The following DLG2 variants were observed in gnomAD, a reference collection of about 807,000 sequenced individuals.
DLG2 encodes disks large homolog 2.
Under a neutral mutation model 132.5 loss-of-function variants are expected in DLG2, and 45 were observed. The observed-to-expected ratio is 0.34, with a 90% CI of 0.27 to 0.44. DLG2 has a LOEUF of 0.44. Among genes scored for constraint, DLG2 ranks in the 20% least tolerant of loss-of-function variants. DLG2 has a pLI of 1.00. For missense variants in DLG2, 1,045 were observed against 1,196.9 expected, an observed-to-expected ratio of 0.87 and a Z score of 1.87; for synonymous variants, 424 against 419.6, an observed-to-expected ratio of 1.01 and a Z score of -0.13.
chr11:85,362,445 T>C (rs2152902529), intron 3 of DLG2, among the ~76,000 whole-genome samples: 1 of 152,230 alleles, frequency 6.6e-6, no homozygotes, highest in East Asian at 1.9e-4. Flanking sequence ...ATGCTACTGA[T>C]TTTTTTATGT....
intron 6 of DLG2, among the ~76,000 whole-genome samples, chr11:85,018,120 A>G (rs1196084726): frequency 6.6e-6 from 1 of 152,194 alleles, no homozygotes; most frequent in Admixed American, 6.6e-5. Flanking sequence ...TGTAGAAACC[A>G]ACAACACATG....
At chr11:84,439,693 A>T (rs2099011796) in intron 7 of DLG2, among the ~76,000 whole-genome samples, 1 of 152,174 alleles carries the variant, frequency 6.6e-6, no homozygotes, top group Non-Finnish European at 1.5e-5. Context: ...GCTTACTCTA[A>T]TATTGCTGTG....
intron 3 of DLG2, among the ~76,000 whole-genome samples, chr11:85,570,744 T>C (rs1038569924): frequency 6.6e-6 from 1 of 152,164 alleles, no homozygotes; most frequent in Non-Finnish European, 1.5e-5. Context: ...ATGTGTATGT[T>C]GGTACACTTA....
chr11:84,017,189 A>G (rs2095233182), intron 11 of DLG2, among the ~76,000 whole-genome samples: 2 of 152,088 alleles, frequency 1.3e-5, no homozygotes, highest in Admixed American at 1.3e-4. Context: ...TGAATTTTAA[A>G]AAGGGGTATT....
At chr11:84,598,626 T>G (rs182265464) in intron 6 of DLG2, among the ~76,000 whole-genome samples, 57 of 152,286 alleles carry the variant, frequency 3.7e-4, no homozygotes, top group Middle Eastern at 3.4e-3. Flanking sequence ...TTACTATGTT[T>G]GTTAAAATCA....
Position 85,399,949 on chromosome 11 carries a change from A to G in DLG2, c.41-114584T>C, listed in dbSNP as rs1010745567. Among the ~76,000 whole-genome samples, 25 of 152,180 alleles carry G rather than the reference A, an allele frequency of 1.6e-4. 1 individual carries two copies. The highest frequency in any genetic ancestry group is 3.2e-3 in the Middle Eastern group (1 of 316). ...GACCAATGGGATCTAATTAAACTCAAGAGCTTCTGCACAGCAAAAGAAACT... is the reference window on the plus strand; with the variant it reads ...GACCAATGGGATCTAATTAAACTCAGGAGCTTCTGCACAGCAAAAGAAACT... On this transcript the variant is annotated intron_variant, in intron 3 of 27. Transcript: ENST00000376104.
At chr11:83,861,229 C>G (rs1393300159) in intron 16 of DLG2, among the ~76,000 whole-genome samples, 1 of 152,108 alleles carries the variant, frequency 6.6e-6, no homozygotes, top group Non-Finnish European at 1.5e-5. Context: ...CAGGCAGTTT[C>G]AAATACTGGT....
intron 15 of DLG2, among the ~76,000 whole-genome samples, chr11:83,913,933 A>T (rs2076488838): frequency 6.6e-6 from 1 of 152,178 alleles, no homozygotes; most frequent in South Asian, 2.1e-4. Context: ...GCATATAGAC[A>T]GACTGTGGTG....
intron 18 of DLG2, among the ~76,000 whole-genome samples, chr11:83,716,894 C>A (rs984079644): frequency 2.0e-5 from 3 of 152,024 alleles, no homozygotes; most frequent in Non-Finnish European, 2.9e-5. Flanking sequence ...CCTGGAATTG[C>A]GTAGGCATGA....
At chr11:85,226,125 G>T (rs1455439571) in intron 4 of DLG2, among the ~76,000 whole-genome samples, 1 of 150,936 alleles carries the variant, frequency 6.6e-6, no homozygotes, top group Non-Finnish European at 1.5e-5. Flanking sequence ...TGACATAATT[G>T]TTATATTAAC....
chr11:84,259,689 A>T (rs2097528090), intron 7 of DLG2, among the ~76,000 whole-genome samples: 1 of 152,176 alleles, frequency 6.6e-6, no homozygotes, highest in Admixed American at 6.5e-5. Flanking sequence ...CTCAGAAAAC[A>T]AGGTAGCAGG....
chr11:83,965,443 A>G lies in DLG2; in HGVS notation c.1082T>C (p.Val361Ala). The G allele has an allele frequency of 1.2e-6, 2 of 1,610,898 alleles. No homozygotes were observed. Among genetic ancestry groups the G allele is most frequent in the East Asian group, 4.5e-5 (2 of 44,774 alleles). The change falls in exon 13 of 28, where the codon GTA becomes GCA. Residue 361 changes from valine to alanine, a missense_variant. Val to Ala is a moderately conservative substitution (Grantham distance 64, BLOSUM62 0). Transcript: ENST00000376104. ...LMVNNYSLEEVTHEEAVAILK... is the reference protein window; with the variant it reads ...LMVNNYSLEEATHEEAVAILK... ...TATTGCTACTGCCTCTTCGTGTGTTACTTCTTCTAAACTGTAGTTGTTTAC... is the reference window on the plus strand; with the variant it reads ...TATTGCTACTGCCTCTTCGTGTGTTGCTTCTTCTAAACTGTAGTTGTTTAC...
At chr11:85,224,797 A>C (rs1455887822) in intron 4 of DLG2, among the ~76,000 whole-genome samples, 6 of 152,212 alleles carry the variant, frequency 3.9e-5, no homozygotes, top group African/African-American at 1.4e-4. Context: ...AAGAGTTTAA[A>C]AGAGCAGTTT....
At chr11:83,462,619 G>A (rs1413273358) in intron 26 of DLG2, among the ~76,000 whole-genome samples, 6 of 152,168 alleles carry the variant, frequency 3.9e-5, no homozygotes, top group Admixed American at 3.3e-4. Flanking sequence ...CAGGAGGGGA[G>A]ATGAAGAGAA....
Position 85,099,642 on chromosome 11 carries a change from G to A in DLG2, c.357+12019C>T, listed in dbSNP as rs544260375. 7.2e-5 allele frequency among the ~76,000 whole-genome samples: 11 copies of A among 152,294 alleles called. No homozygotes were observed. The South Asian group carries it at 2.1e-3, about 29-fold the overall frequency. On this transcript the variant is annotated intron_variant, in intron 6 of 27. Transcript: ENST00000376104. ...AAGCTTTCTTAAAGAGACATAAGCA[G>A]TATGAAGTTTTCAAGTGGGATTATT...
At chr11:85,490,365 G>A (rs1190031225) in intron 3 of DLG2, among the ~76,000 whole-genome samples, 1 of 151,712 alleles carries the variant, frequency 6.6e-6, no homozygotes, top group Non-Finnish European at 1.5e-5. Context: ...CTAACAACTA[G>A]TTAGATTGAA....
At chr11:85,097,081 T>C (rs990143813) in intron 6 of DLG2, among the ~76,000 whole-genome samples, 2 of 152,194 alleles carry the variant, frequency 1.3e-5, no homozygotes, top group African/African-American at 4.8e-5. Flanking sequence ...CTATCTATTC[T>C]GAGCCTTGCC....
intron 6 of DLG2, among the ~76,000 whole-genome samples, chr11:85,003,130 C>T (rs2058356768): frequency 6.6e-6 from 1 of 151,844 alleles, no homozygotes; most frequent in Non-Finnish European, 1.5e-5. Context: ...CCACATTTTT[C>T]AAGGGTCAAG....
At chr11:84,570,331 C>T (rs1592609563) in intron 6 of DLG2, among the ~76,000 whole-genome samples, 1 of 152,250 alleles carries the variant, frequency 6.6e-6, no homozygotes, top group East Asian at 1.9e-4. Flanking sequence ...GAAGGTCCTC[C>T]TGTCTTCCTT....
Sources: allele counts gnomAD v4.1 joint callset (sites outside exome capture counted in the v4.1 genomes callset), GRCh38; gene constraint gnomAD v4.1.1; transcripts MANE v1.5; gene names NCBI Gene and HGNC (gene_info 2026-07-23, HGNC 2026-07-21).